Variants in FCRL3 observed in about 807,000 individuals in gnomAD.
FCRL3 encodes Fc receptor-like protein 3.
FCRL3 carries 89 observed loss-of-function variants against 75.0 expected under a neutral mutation model. The observed-to-expected ratio is 1.19, with a 90% CI of 1.00 to 1.42. The LOEUF is 1.42. Among genes scored for constraint, FCRL3 ranks in the 40% most tolerant of loss-of-function variants. The pLI is 0.00. For synonymous variants in FCRL3, 376 were observed against 348.5 expected (o/e 1.08, Z -0.88); for missense variants, 946 against 880.0 (o/e 1.07, Z -0.95).
rs770267838 is a variant in FCRL3 at position 157,678,837 on chromosome 1, G to C, written c.2078C>G (p.Ser693Ter). The C allele has an allele frequency of 1.2e-6, 2 of 1,613,924 alleles. No homozygotes were observed. The highest frequency in any genetic ancestry group is 1.7e-6 in the Non-Finnish European group (2 of 1,179,962). ...GTCTGGGTGTGTCTTCTTCAGTTCTGAATAGAGGACTGTAAGTTCCTGGTA... is the reference window on the plus strand; with the variant it reads ...GTCTGGGTGTGTCTTCTTCAGTTCTCAATAGAGGACTGTAAGTTCCTGGTA... ...QEHEELTVLY[S>*]ELKKTHPDDS... Residue 693 changes from serine to a stop codon, truncating the protein, a stop_gained, in exon 15 of 15, where the codon TCA becomes TGA. Coordinates refer to ENST00000368184, the MANE Select transcript of FCRL3 (RefSeq NM_052939.4). LOFTEE classifies it low-confidence loss of function (END_TRUNC).
chr1:157,680,218 C>T (rs1282683924), intron 13 of FCRL3, among the ~76,000 whole-genome samples: 4 of 152,084 alleles, frequency 2.6e-5, no homozygotes, highest in Middle Eastern at 3.2e-3. Context: ...GAGGAGCCAG[C>T]GTGCAGAAGG....
At chr1:157,700,371 G>A (rs977060519) in intron 2 of FCRL3, 88 bp downstream of exon 2, 8 of 1,592,408 alleles carry the variant, frequency 5.0e-6, no homozygotes, top group African/African-American at 1.3e-5. Context: ...TGAACCCCAA[G>A]TAGAAGCAGA....
Position 157,677,499 on chromosome 1 carries a change from A to G in FCRL3, c.*1211T>C, listed in dbSNP as rs542071124. On this transcript the variant is annotated 3_prime_UTR_variant, in exon 15 of 15. Transcript: ENST00000368184. ...GTGTTCAGAGATATTTGGAAACATC[A>G]GGATTTCAGAATGGAGGTGAAGTCA... 2 of 985,446 alleles carry G rather than the reference A, an allele frequency of 2.0e-6. No individual in the cohort carries two copies. Among genetic ancestry groups the G allele is most frequent in the Admixed American group, 1.2e-4 (2 of 16,280 alleles). The allele number at this position is 985,446 out of a possible 1,614,324, so 61.0% of individuals were successfully genotyped here.
chr1:157,686,813 T>C (rs1463453399), intron 10 of FCRL3, among the ~76,000 whole-genome samples: 1 of 152,148 alleles, frequency 6.6e-6, no homozygotes, highest in East Asian at 1.9e-4. Flanking sequence ...GATTTAAATG[T>C]AGGACTCCAA....
intron 10 of FCRL3, among the ~76,000 whole-genome samples, chr1:157,683,701 TCTAA>T (rs1654991611): frequency 6.6e-6 from 1 of 152,160 alleles, no homozygotes; most frequent in South Asian, 2.1e-4. Flanking sequence ...CTTCTCTTTC[TCTAA>T]CTGTGACCCC....
Position 157,677,503 on chromosome 1 carries a change from T to C in FCRL3, c.*1207A>G, listed in dbSNP as rs1382090880. On this transcript the variant is annotated 3_prime_UTR_variant, in exon 15 of 15. Coordinates refer to ENST00000368184, the MANE Select transcript of FCRL3 (RefSeq NM_052939.4). The stretch of plus-strand genomic sequence containing the variant: ...TCAGAGATATTTGGAAACATCAGGA[T>C]TTCAGAATGGAGGTGAAGTCACTGA... The C allele has an allele frequency of 3.0e-6, 3 of 985,336 alleles. No individual in the cohort carries two copies. Among genetic ancestry groups the C allele is most frequent in the Non-Finnish European group, 3.6e-6 (3 of 829,944 alleles). 61.0% of individuals were successfully genotyped at this position (985,336 alleles called of 1,614,324 possible). A position where few individuals can be genotyped will look rare whatever the true frequency, so the allele number is the denominator to read the frequency against.
At chr1:157,694,542 G>T (rs1022512141) in intron 8 of FCRL3, among the ~76,000 whole-genome samples, 17 of 152,094 alleles carry the variant, frequency 1.1e-4, no homozygotes, top group African/African-American at 4.1e-4. Flanking sequence ...CTCTTATTTT[G>T]CCATCTTCTC....
At position 157,695,363 on chromosome 1, in the gene FCRL3, G is replaced by A. The variant is rs1459396941; in HGVS notation, c.1377C>T (p.Ala459=). The change falls in exon 8 of 15, where the codon GCC becomes GCT. Residue 459 remains alanine (A), a synonymous_variant. Transcript: ENST00000368184. ...TGAGACTCACTCCATGACTGTGCTG[G>A]GCCCCCAGGCCATTGTCTGCATCAC... ...YSCDADNGLG[A]QHSHGVSLRV... is the part of the protein sequence containing the mutation. 1.9e-6 allele frequency: 3 copies of A among 1,614,014 alleles called. No individual in the cohort carries two copies. Among genetic ancestry groups the A allele is most frequent in the African/African-American group, 2.7e-5 (2 of 74,940 alleles).
chr1:157,680,239 G>A (rs1448739377), intron 13 of FCRL3, among the ~76,000 whole-genome samples: 2 of 152,186 alleles, frequency 1.3e-5, no homozygotes, highest in Non-Finnish European at 2.9e-5. Context: ...CAAAGATCAT[G>A]CTTTGGAATG....
rs745616221 is a variant in FCRL3, at chr1:157,697,225, TTCAG to T, written c.755_758del (p.Thr252LysfsTer13). On this transcript the variant is annotated frameshift_variant, in exon 6 of 15. Transcript: ENST00000368184. LOFTEE classifies it high-confidence loss of function. Reference sequence around the variant, plus strand: ...CCTCACACCAGTAAGACCCTGAGTCTTCAGTCCACATGGCAGGGATCTGGAGTCT... The same window carrying T: ...CCTCACACCAGTAAGACCCTGAGTCTTCCACATGGCAGGGATCTGGAGTCT... The T allele has an allele frequency of 3.8e-5, 60 of 1,599,848 alleles. No individual in the cohort carries two copies. The African/African-American group carries it at 7.8e-4, about 21-fold the overall frequency.
In FCRL3 at chr1:157,700,526, T is replaced by A. The variant is rs1656253015; in HGVS notation, c.-37A>T. 2 of 1,613,732 alleles carry A rather than the reference T, an allele frequency of 1.2e-6. No homozygotes were observed. Among genetic ancestry groups the A allele is most frequent in the African/African-American group, 1.3e-5 (1 of 74,888 alleles). On this transcript the variant is annotated 5_prime_UTR_variant, in exon 2 of 15. Transcript: ENST00000368184. Reference sequence around the variant, plus strand: ...GGGCAGAGGGTTGGGAAAGTCTGTCTCACCAAAAGCCCGACTTATCTCCAA... The same window carrying A: ...GGGCAGAGGGTTGGGAAAGTCTGTCACACCAAAAGCCCGACTTATCTCCAA...
intron 8 of FCRL3, among the ~76,000 whole-genome samples, chr1:157,694,906 G>C (rs914524774): frequency 6.6e-6 from 1 of 152,116 alleles, no homozygotes; most frequent in Non-Finnish European, 1.5e-5. Context: ...AATGATCCAG[G>C]GAGCCAAGTG....
chr1:157,677,986 C>A lies in FCRL3; in HGVS notation c.*724G>T, dbSNP rs1308835806. ...AGAATAAAACTGACTGACTAGAAAT[C>A]TATCATGTATGGCAAATGATGAGAC... On this transcript the variant is annotated 3_prime_UTR_variant, in exon 15 of 15. Transcript: ENST00000368184. 6 of 985,076 alleles carry A rather than the reference C, an allele frequency of 6.1e-6. No individual in the cohort carries two copies. The African/African-American group carries it at 1.0e-4, about 17-fold the overall frequency. The allele number at this position is 985,076 out of a possible 1,614,324, so 61.0% of individuals were successfully genotyped here.
intron 10 of FCRL3, among the ~76,000 whole-genome samples, chr1:157,685,874 A>G (rs1655143438): frequency 6.6e-6 from 1 of 152,170 alleles, no homozygotes; most frequent in African/African-American, 2.4e-5. Context: ...AAATTAATGC[A>G]TAAATAAAAA....
chr1:157,692,255 T>A (rs920325605), intron 8 of FCRL3, among the ~76,000 whole-genome samples: 1 of 152,346 alleles, frequency 6.6e-6, no homozygotes, highest in Admixed American at 6.5e-5. Context: ...TTTTGTTTTT[T>A]TGAGACAGGG....
In FCRL3 at chr1:157,677,418, T is replaced by C. The variant is rs373890713; in HGVS notation, c.*1292A>G. 4.1e-5 allele frequency: 40 copies of C among 985,390 alleles called. 1 individual carries two copies. In the East Asian group the frequency reaches 6.8e-4, roughly 17 times the overall value. The allele number at this position is 985,390 out of a possible 1,614,324, so 61.0% of individuals were successfully genotyped here. On this transcript the variant is annotated 3_prime_UTR_variant, in exon 15 of 15. Coordinates refer to ENST00000368184, the MANE Select transcript of FCRL3 (RefSeq NM_052939.4). ...ACATGAACCAAGTGAAGGCCTAGAA[T>C]TGGCAACATTCAGAGATTAATGTTA...
chr1:157,695,170 T>C (rs1187397138), intron 8 of FCRL3, among the ~76,000 whole-genome samples, 159 bp downstream of exon 8: 1 of 152,156 alleles, frequency 6.6e-6, no homozygotes, highest in Non-Finnish European at 1.5e-5. Flanking sequence ...AGTTACTAAA[T>C]GTGTAATCAC....
intron 11 of FCRL3, 143 bp from the exon 12 acceptor site, chr1:157,681,242 T>TA (rs953478813): frequency 1.6e-5 from 7 of 441,806 alleles, no homozygotes; most frequent in African/African-American, 4.1e-5. Context: ...TCTTTTTTTT[T>TA]AATTTTATTA....
intron 4 of FCRL3, 120 bp from the exon 5 acceptor site, chr1:157,698,039 A>G: frequency 8.5e-7 from 1 of 1,172,128 alleles, no homozygotes; most frequent in Non-Finnish European, 1.2e-6. Flanking sequence ...CCCCACCCAC[A>G]TTGCCATGTG....
Sources: gnomAD v4.1 joint callset for allele counts (sites outside exome capture counted in the v4.1 genomes callset) on GRCh38, gnomAD v4.1.1 for gene constraint, MANE v1.5 for transcripts, NCBI Gene and HGNC (gene_info 2026-07-23, HGNC 2026-07-21) for gene names.